The following SLC44A3 variants were observed in gnomAD, a reference collection of about 807,000 sequenced individuals.
The protein encoded by SLC44A3 is solute carrier family 44 member 3.
SLC44A3 carries 74 observed loss-of-function variants against 75.4 expected under a neutral mutation model. The observed-to-expected ratio is 0.98, with a 90% CI of 0.81 to 1.19. The LOEUF (loss-of-function observed/expected upper bound fraction) is 1.19. SLC44A3 is among the 50% of genes most tolerant of loss of function. The probability of loss-of-function intolerance (pLI) is 0.00; values close to 1 mark genes in which losing one functional copy is unlikely to be tolerated. For synonymous variants in SLC44A3, 310 were observed against 296.9 expected, an observed-to-expected ratio of 1.04 and a Z score of -0.45; for missense variants, 700 against 778.6, an observed-to-expected ratio of 0.90 and a Z score of 1.20.
intron 8 of SLC44A3, among the ~76,000 whole-genome samples, chr1:94,844,509 A>C (rs1235380243): frequency 6.6e-6 from 1 of 152,214 alleles, no homozygotes; most frequent in Non-Finnish European, 1.5e-5. Flanking sequence ...TAAAAGAAAG[A>C]TCATGGAAGC....
Position 94,878,035 on chromosome 1 carries a change from C to T in SLC44A3, c.1482+10618C>T, listed in dbSNP as rs190564746. On this transcript the variant is annotated intron_variant, in intron 12 of 14. Coordinates refer to ENST00000271227, the MANE Select transcript of SLC44A3 (RefSeq NM_001114106.3). ...GGATCACGAGGTCAGGAGATCGAGA[C>T]CATCCTGGCTAACACGGTGAAACCC... Among the ~76,000 whole-genome samples, 170 of 152,186 alleles carry T rather than the reference C, an allele frequency of 1.1e-3. 1 individual carries two copies. The highest frequency in any genetic ancestry group is 3.9e-3 in the African/African-American group (162 of 41,544).
chr1:94,823,121 G>A (rs1227908532), intron 2 of SLC44A3, among the ~76,000 whole-genome samples: 1 of 152,166 alleles, frequency 6.6e-6, no homozygotes, highest in East Asian at 1.9e-4. Flanking sequence ...GCTTTCCAAA[G>A]GAAAGAATGA....
At chr1:94,879,313 C>A (rs1668675949) in intron 12 of SLC44A3, among the ~76,000 whole-genome samples, 1 of 151,730 alleles carries the variant, frequency 6.6e-6, no homozygotes, top group Admixed American at 6.6e-5. Flanking sequence ...GCGGGCAGAT[C>A]ATGAGGTCAG....
chr1:94,854,542 G>T (rs1182201227), intron 9 of SLC44A3, among the ~76,000 whole-genome samples: 2 of 152,188 alleles, frequency 1.3e-5, no homozygotes, highest in Non-Finnish European at 2.9e-5. Flanking sequence ...GTGATGAGGG[G>T]ATCTTGCCTG....
intron 2 of SLC44A3, 108 bp downstream of exon 2, chr1:94,821,164 C>A: frequency 2.5e-6 from 2 of 815,568 alleles, no homozygotes; most frequent in Non-Finnish European, 3.9e-6. Context: ...GAGACTTCTG[C>A]CGTTAACCCA....
chr1:94,866,054 A>G (rs1667135543), intron 11 of SLC44A3, among the ~76,000 whole-genome samples: 1 of 152,186 alleles, frequency 6.6e-6, no homozygotes, highest in African/African-American at 2.4e-5. Context: ...GATGACTTGA[A>G]GAGGCATTTC....
intron 10 of SLC44A3, among the ~76,000 whole-genome samples, chr1:94,861,819 C>A (rs928221826): frequency 1.3e-5 from 2 of 152,152 alleles, no homozygotes; most frequent in Admixed American, 1.3e-4. Context: ...CTTTTTACAA[C>A]CATTTGCTTG....
intron 10 of SLC44A3, among the ~76,000 whole-genome samples, chr1:94,864,333 G>T (rs1324426501): frequency 6.6e-6 from 1 of 152,112 alleles, no homozygotes; most frequent in Non-Finnish European, 1.5e-5. Flanking sequence ...ATGTGATTTG[G>T]TGATGATTTT....
chr1:94,860,905 A>G lies in SLC44A3; in HGVS notation c.1238+3405A>G, dbSNP rs184567759. Among the ~76,000 whole-genome samples the G allele has an allele frequency of 1.8e-3, 269 of 152,348 alleles. 2 individuals are homozygous for G. Among genetic ancestry groups the G allele is most frequent in the African/African-American group, 6.0e-3 (250 of 41,580 alleles). ...AGGGTAGCTGCGCAGCAGGCGTGGA[A>G]AGCGTCCAGTCCAAGGTAGACAATG... On this transcript the variant is annotated intron_variant, in intron 10 of 14. Coordinates refer to ENST00000271227, the MANE Select transcript of SLC44A3 (RefSeq NM_001114106.3).
chr1:94,853,315 G>A (rs1164283948), intron 9 of SLC44A3, among the ~76,000 whole-genome samples: 2 of 152,134 alleles, frequency 1.3e-5, no homozygotes, highest in Non-Finnish European at 2.9e-5. Flanking sequence ...GATTGGAGTA[G>A]GTGAAGAGAA....
intron 6 of SLC44A3, chr1:94,839,109 A>G (rs1300132210): frequency 6.6e-6 from 1 of 152,246 alleles, no homozygotes; most frequent in Non-Finnish European, 1.5e-5. Context: ...CCACCTTACT[A>G]AACATAACTC....
intron 12 of SLC44A3, among the ~76,000 whole-genome samples, chr1:94,886,574 C>G (rs1669615076): frequency 6.6e-6 from 1 of 152,120 alleles, no homozygotes; most frequent in Non-Finnish European, 1.5e-5. Flanking sequence ...TTCCATGAAG[C>G]CTTCCCTGAT....
chr1:94,889,276 A>C (rs973620627), intron 12 of SLC44A3: 4 of 152,180 alleles, frequency 2.6e-5, no homozygotes, highest in Non-Finnish European at 4.4e-5. Flanking sequence ...GGGGTGTACA[A>C]AAGGGTTAAT....
chr1:94,883,641 A>T (rs2101627775), intron 12 of SLC44A3, among the ~76,000 whole-genome samples: 1 of 152,070 alleles, frequency 6.6e-6, no homozygotes, highest in Middle Eastern at 3.4e-3. Context: ...GCGTGAGAGG[A>T]CTCAACTTTC....
chr1:94,845,041 A>G (rs1333939793), intron 8 of SLC44A3, among the ~76,000 whole-genome samples: 2 of 152,140 alleles, frequency 1.3e-5, no homozygotes, highest in Non-Finnish European at 2.9e-5. Context: ...AAGGCCCTTT[A>G]TGGAGGGACT....
chr1:94,848,079 C>G (rs989053771), intron 9 of SLC44A3, among the ~76,000 whole-genome samples: 3 of 151,968 alleles, frequency 2.0e-5, no homozygotes, highest in African/African-American at 7.3e-5. Flanking sequence ...ATACAGAAAA[C>G]TTAGCCGGGC....
At chr1:94,877,877 G>C (rs1044249461) in intron 12 of SLC44A3, among the ~76,000 whole-genome samples, 4 of 152,148 alleles carry the variant, frequency 2.6e-5, no homozygotes, top group Non-Finnish European at 4.4e-5. Context: ...ACCCCAGTGT[G>C]GGTGGAGAGG....
intron 8 of SLC44A3, 111 bp downstream of exon 8, chr1:94,842,235 A>T (rs2101063106): frequency 7.0e-7 from 1 of 1,427,880 alleles, no homozygotes; most frequent in Non-Finnish European, 9.4e-7. Context: ...TTGATTTAGA[A>T]TGTGCCTTCT....
chr1:94,832,411 A>G lies in SLC44A3; in HGVS notation c.509+3825A>G, dbSNP rs979636745. On this transcript the variant is annotated intron_variant, in intron 5 of 14. Coordinates refer to ENST00000271227, the MANE Select transcript of SLC44A3 (RefSeq NM_001114106.3). ...CAGTATACTTTTGCATAAAAAGTGGAAAATGTAAGTATAAACCTATAAATA... is the reference window on the plus strand; with the variant it reads ...CAGTATACTTTTGCATAAAAAGTGGGAAATGTAAGTATAAACCTATAAATA... Among the ~76,000 whole-genome samples the G allele has an allele frequency of 1.6e-4, 25 of 152,208 alleles. 2 individuals are homozygous for G. The highest frequency in any genetic ancestry group is 1.5e-5 in the Non-Finnish European group (1 of 68,044).
Sources: allele counts gnomAD v4.1 joint callset (sites outside exome capture counted in the v4.1 genomes callset), GRCh38; gene constraint gnomAD v4.1.1; transcripts MANE v1.5; gene names NCBI Gene and HGNC (gene_info 2026-07-23, HGNC 2026-07-21).